The following WNK2 variants were observed in gnomAD, a reference collection of about 807,000 sequenced individuals.
WNK2 encodes the protein serine/threonine-protein kinase WNK2.
Under a neutral mutation model 192.1 loss-of-function variants are expected in WNK2, and 67 were observed. The ratio of observed to expected loss-of-function variants is 0.35; its 90% CI spans 0.29 to 0.43. WNK2 has a LOEUF of 0.43. WNK2 is among the 20% of genes least tolerant of loss of function. The pLI is 1.00. For missense variants in WNK2, 2,698 were observed against 3,089.7 expected (o/e 0.87, Z 3.01); for synonymous variants, 1,439 against 1,393.9 (o/e 1.03, Z -0.72).
At chr9:93,269,005 T>C (rs890560485) in intron 19 of WNK2, 108 of 1,480,140 alleles carry the variant, frequency 7.3e-5, no homozygotes, top group Non-Finnish European at 9.1e-5. Flanking sequence ...GCCATATAGG[T>C]GTGTGTTGAA....
At chr9:93,267,671 C>T in intron 16 of WNK2, 75 bp from the exon 17 acceptor site, 1 of 1,454,200 alleles carries the variant, frequency 6.9e-7, no homozygotes, top group East Asian at 2.5e-5. Flanking sequence ...GGGTAGACAT[C>T]CGTCAATCCA....
chr9:93,196,660 C>T (rs1272582782), intron 2 of WNK2, among the ~76,000 whole-genome samples: 1 of 152,148 alleles, frequency 6.6e-6, no homozygotes, highest in Non-Finnish European at 1.5e-5. Context: ...CTCTGGTCTC[C>T]TTGGTTAGCA....
chr9:93,234,196 A>G (rs1839412463), intron 4 of WNK2, among the ~76,000 whole-genome samples: 1 of 152,212 alleles, frequency 6.6e-6, no homozygotes, highest in Non-Finnish European at 1.5e-5. Context: ...GGAGCCACAT[A>G]CAGTTCCCAT....
At position 93,292,376 on chromosome 9, in the gene WNK2, G is replaced by A; in HGVS notation, c.5005G>A (p.Val1669Met). ...DGRQVASDSHVVPSVPQDVPA... is the reference protein window; with the variant it reads ...DGRQVASDSHMVPSVPQDVPA... ...AAGGCAGGTGGCCTCAGACTCCCAT[G>A]TGGTCCCCAGCGTCCCCCAGGTAAG... The change falls in exon 22 of 30, where the codon GTG becomes ATG. Residue 1669 changes from valine to methionine, a missense_variant. Around this residue, in one of 7 missense-constraint regions of WNK2, gnomAD observed 1,098 missense variants for 1,101.0 expected, o/e 1.00. Transcript: ENST00000427277. The A allele has an allele frequency of 6.2e-7, 1 of 1,613,978 alleles. No individual in the cohort carries two copies. The highest frequency in any genetic ancestry group is 8.5e-7 in the Non-Finnish European group (1 of 1,179,884).
At chr9:93,256,249 G>A in intron 9 of WNK2, 50 bp from the exon 10 acceptor site, 1 of 1,440,978 alleles carries the variant, frequency 6.9e-7, no homozygotes, top group Non-Finnish European at 9.1e-7. Context: ...CCAGGAGGGG[G>A]CCTGGTGGCC....
intron 19 of WNK2, among the ~76,000 whole-genome samples, chr9:93,283,129 G>T (rs189637086): frequency 6.6e-6 from 1 of 152,100 alleles, no homozygotes. Context: ...AAAATATTAC[G>T]TATCAAAATT....
At position 93,299,165 on chromosome 9, in the gene WNK2, G is replaced by A. The variant is rs950444948; in HGVS notation, c.6019G>A (p.Ala2007Thr). 1.9e-6 allele frequency: 3 copies of A among 1,611,286 alleles called. No homozygotes were observed. Among genetic ancestry groups the A allele is most frequent in the Non-Finnish European group, 8.5e-7 (1 of 1,178,850 alleles). ...AGACAGCACGGGCCTGAGCGGGAAGGCAGTGCAGACCCAGCAGCCCTGCTC... is the reference window on the plus strand; with the variant it reads ...AGACAGCACGGGCCTGAGCGGGAAGACAGTGCAGACCCAGCAGCCCTGCTC... The part of the protein sequence containing the change: ...TADSTGLSGK[A>T]VQTQQPCSVR... The change falls in exon 25 of 30, where the codon GCA (alanine) becomes ACA (threonine). Residue 2007 changes from alanine (A) to threonine (T), a missense_variant. Ala to Thr is a moderately conservative substitution (Grantham distance 58). Transcript: ENST00000427277.
In WNK2 at chr9:93,238,254, G is replaced by C. The variant is rs763036164; in HGVS notation, c.1255G>C (p.Glu419Gln). The C allele has an allele frequency of 1.9e-6, 3 of 1,614,022 alleles. No homozygotes were observed. The highest frequency in any genetic ancestry group is 2.5e-6 in the Non-Finnish European group (3 of 1,179,890). ...VTCGIKPASF[E>Q]KVHDPEIKEI... is the part of the protein sequence containing the mutation. The stretch of plus-strand genomic sequence containing the variant: ...TCAGGGTATCAAGCCGGCCAGCTTT[G>C]AGAAAGTGCACGATCCTGAAATCAA... Residue 419 changes from glutamate to glutamine, a missense_variant, in exon 6 of 30, where the codon GAG becomes CAG. Physicochemically the swap from Glu to Gln is conservative, Grantham distance 29. Around this residue, in one of 7 missense-constraint regions of WNK2, gnomAD observed 230 missense variants for 501.1 expected, o/e 0.46. Transcript: ENST00000427277.
In WNK2 at chr9:93,289,001, A is replaced by G. The variant is rs760577773; in HGVS notation, c.4247A>G (p.Gln1416Arg). ...GAGCCAGCGTCAGGAACTGCCAGCC[A>G]GGCAGGGGGTCCAGGGACACCTCAG... is the stretch of plus-strand genomic sequence containing the variant. ...MPEPASGTAS[Q>R]AGGPGTPQGL... Residue 1416 changes from glutamine to arginine, a missense_variant, in exon 20 of 30, where the codon CAG becomes CGG. Coordinates refer to ENST00000427277, the MANE Select transcript of WNK2 (RefSeq NM_006648.4). 1.2e-6 allele frequency: 2 copies of G among 1,602,200 alleles called. No homozygotes were observed. The highest frequency in any genetic ancestry group is 1.7e-6 in the Non-Finnish European group (2 of 1,174,400).
Position 93,259,643 on chromosome 9 carries a change from CT to C in WNK2, c.3066+30del. On this transcript the variant is annotated intron_variant, in intron 12 of 29. Coordinates refer to ENST00000427277, the MANE Select transcript of WNK2 (RefSeq NM_006648.4). The surrounding 1 kb of genome is among the most constrained non-coding windows in gnomAD (Gnocchi z 4.8). ...ATCACCTGCTGGGCAGGGGCTCACC[CT>C]CCCAGCGTCTGGGGACCCTCAGGAC... 1 of 1,512,670 alleles carries C rather than the reference CT, an allele frequency of 6.6e-7. No individual in the cohort carries two copies. The highest frequency in any genetic ancestry group is 8.8e-7 in the Non-Finnish European group (1 of 1,138,590). 93.7% of individuals were successfully genotyped at this position (1,512,670 alleles called of 1,614,324 possible).
chr9:93,214,705 C>A (rs58334547), intron 2 of WNK2, among the ~76,000 whole-genome samples: 5 of 113,896 alleles, frequency 4.4e-5, no homozygotes, highest in East Asian at 2.9e-4. Flanking sequence ...GTGCCCCCCC[C>A]CCCCCCGCCC....
chr9:93,263,393 TG>T, intron 14 of WNK2, 172 bp from the exon 15 acceptor site: 1 of 762,340 alleles, frequency 1.3e-6, no homozygotes, highest in Non-Finnish European at 2.1e-6. Context: ...AGCAGGGAGC[TG>T]GGTGAGGGCC....
intron 7 of WNK2, among the ~76,000 whole-genome samples, chr9:93,242,310 T>C (rs917931888): frequency 2.6e-5 from 4 of 152,214 alleles, no homozygotes; most frequent in Non-Finnish European, 5.9e-5. Context: ...TTGTCTCTGC[T>C]CACATCCCTG....
chr9:93,290,069 C>T (rs1433681247), intron 21 of WNK2, 22 bp downstream of exon 21: 1 of 1,553,970 alleles, frequency 6.4e-7, no homozygotes, highest in South Asian at 1.2e-5. Context: ...CTGCTGAACC[C>T]TGCGTTCACA....
intron 19 of WNK2, among the ~76,000 whole-genome samples, chr9:93,273,890 A>T (rs1278077339): frequency 6.6e-6 from 1 of 152,226 alleles, no homozygotes; most frequent in Non-Finnish European, 1.5e-5. Flanking sequence ...ATTAGAAAAC[A>T]ATTTGAAATG....
chr9:93,285,445 G>T (rs1417300157), intron 19 of WNK2, among the ~76,000 whole-genome samples: 2 of 151,998 alleles, frequency 1.3e-5, no homozygotes, highest in Non-Finnish European at 2.9e-5. Context: ...ACAACAATCA[G>T]AAAATAAAGA....
chr9:93,249,092 A>G (rs1275593358), intron 8 of WNK2, among the ~76,000 whole-genome samples: 1 of 152,210 alleles, frequency 6.6e-6, no homozygotes, highest in African/African-American at 2.4e-5. Context: ...AAATTGGTAC[A>G]TTATTGCTCC....
intron 10 of WNK2, 73 bp from the exon 11 acceptor site, chr9:93,256,875 C>T (rs1588225790): frequency 7.3e-7 from 1 of 1,377,378 alleles, no homozygotes; most frequent in African/African-American, 1.5e-5. Flanking sequence ...GATATCCTGT[C>T]ATGTGTAACC....
Position 93,259,204 on chromosome 9 carries a change from C to T in WNK2, c.2656C>T (p.Leu886=), listed in dbSNP as rs1407325262. ...IVPNAPATIP[L]LAVAPPGVAA... Reference sequence around the variant, plus strand: ...GCCAAATGCACCGGCCACTATCCCCCTGCTGGCCGTAGCCCCACCGGGCGT... The same window carrying T: ...GCCAAATGCACCGGCCACTATCCCCTTGCTGGCCGTAGCCCCACCGGGCGT... Residue 886 remains leucine, a synonymous_variant, in exon 12 of 30, where the codon CTG becomes TTG. Transcript: ENST00000427277. This position sits in a 1 kb window ranked among gnomAD's most constrained non-coding sequence, Gnocchi z 4.8. 2 of 1,613,154 alleles carry T rather than the reference C, an allele frequency of 1.2e-6. No individual in the cohort carries two copies. Among genetic ancestry groups the T allele is most frequent in the Admixed American group, 1.7e-5 (1 of 60,012 alleles).
Sources: gnomAD v4.1 joint callset for allele counts (sites outside exome capture counted in the v4.1 genomes callset) on GRCh38, gnomAD v4.1.1 for gene constraint, gnomAD v4.1.1 regional missense constraint, Gnocchi (gnomAD v3.1) non-coding constraint, MANE v1.5 for transcripts, NCBI Gene and HGNC (gene_info 2026-07-23, HGNC 2026-07-21) for gene names.